Variants in SCMH1 observed in about 807,000 individuals in gnomAD.
SCMH1 encodes the protein polycomb protein SCMH1.
A neutral mutation model predicts 70.8 loss-of-function variants in SCMH1; 37 were observed. The observed-to-expected ratio is 0.52, with a 90% CI of 0.40 to 0.69. The LOEUF (loss-of-function observed/expected upper bound fraction) is 0.69, where lower values mean the gene tolerates loss of function less well. Among genes scored for constraint, SCMH1 ranks in the 30% least tolerant of loss-of-function variants. SCMH1 has a pLI of 0.00. For missense variants in SCMH1, 607 were observed against 827.3 expected, an observed-to-expected ratio of 0.73 and a Z score of 3.27; for synonymous variants, 292 against 307.4, an observed-to-expected ratio of 0.95 and a Z score of 0.52.
chr1:41,165,151 T>C (rs1256607856), intron 2 of SCMH1, among the ~76,000 whole-genome samples: 1 of 152,184 alleles, frequency 6.6e-6, no homozygotes, highest in Non-Finnish European at 1.5e-5. Context: ...ATATTTGTCG[T>C]TCTGTAACTG....
intron 10 of SCMH1, among the ~76,000 whole-genome samples, chr1:41,069,552 TAAAA>T (rs1256923975): frequency 6.6e-6 from 1 of 152,082 alleles, no homozygotes; most frequent in Admixed American, 6.5e-5. Flanking sequence ...TCTCTACAGT[TAAAA>T]AAATGAAAAG....
At chr1:41,111,864 A>G (rs1254411798) in intron 8 of SCMH1, among the ~76,000 whole-genome samples, 3 of 152,172 alleles carry the variant, frequency 2.0e-5, no homozygotes, top group Non-Finnish European at 2.9e-5. Flanking sequence ...CTTCCTAAAC[A>G]AGTTTCCCCT....
At chr1:41,241,235 G>A (rs1371091175) in intron 1 of SCMH1, among the ~76,000 whole-genome samples, 3 of 152,222 alleles carry the variant, frequency 2.0e-5, no homozygotes, top group Non-Finnish European at 4.4e-5. Flanking sequence ...AGCGCCCCTA[G>A]ATGACTTTTA....
At chr1:41,241,549 C>G (rs1663546078) in intron 1 of SCMH1, among the ~76,000 whole-genome samples, 2 of 152,280 alleles carry the variant, frequency 1.3e-5, no homozygotes, top group East Asian at 1.9e-4. Context: ...TTCCCCGAAC[C>G]GGGACCCGGC....
At chr1:41,179,197 G>C (rs1647931476) in intron 2 of SCMH1, among the ~76,000 whole-genome samples, 1 of 152,020 alleles carries the variant, frequency 6.6e-6, no homozygotes. Flanking sequence ...CGAGAACAAA[G>C]ACACAACATA....
At chr1:41,226,876 C>T (rs1012885277) in intron 1 of SCMH1, among the ~76,000 whole-genome samples, 1 of 152,104 alleles carries the variant, frequency 6.6e-6, no homozygotes, top group African/African-American at 2.4e-5. Context: ...GTTATGTCTC[C>T]GTTGAAATCT....
At chr1:41,051,648 AAAAT>A (rs1213237301) in intron 10 of SCMH1, among the ~76,000 whole-genome samples, 1 of 152,136 alleles carries the variant, frequency 6.6e-6, no homozygotes, top group African/African-American at 2.4e-5. Context: ...GTAAAAAAAT[AAAAT>A]AAATCTAGAA....
At chr1:41,124,893 CCTGGCCTG>C (rs1250051120) in intron 6 of SCMH1, among the ~76,000 whole-genome samples, 1 of 152,066 alleles carries the variant, frequency 6.6e-6, no homozygotes, top group East Asian at 1.9e-4. Context: ...AACTGCTAGG[CCTGGCCTG>C]CTAAAGAGAT....
intron 8 of SCMH1, among the ~76,000 whole-genome samples, chr1:41,102,838 T>C (rs1159691103): frequency 6.6e-6 from 1 of 152,108 alleles, no homozygotes; most frequent in East Asian, 1.9e-4. Flanking sequence ...AAGCACATGG[T>C]GAGAAAGCAC....
intron 10 of SCMH1, among the ~76,000 whole-genome samples, chr1:41,054,218 G>A (rs1376784305): frequency 1.3e-5 from 2 of 152,180 alleles, no homozygotes; most frequent in Admixed American, 1.3e-4. Flanking sequence ...ATCGATGAAA[G>A]GGGAAGTGTT....
At chr1:41,179,407 C>CA (rs1462050857) in intron 2 of SCMH1, among the ~76,000 whole-genome samples, 1 of 152,002 alleles carries the variant, frequency 6.6e-6, no homozygotes, top group East Asian at 1.9e-4. Flanking sequence ...AAAACCCTTC[C>CA]AAAAAATCAA....
chr1:41,209,609 C>T (rs1656499654), intron 1 of SCMH1, among the ~76,000 whole-genome samples: 1 of 152,202 alleles, frequency 6.6e-6, no homozygotes, highest in Admixed American at 6.5e-5. Context: ...GAACCATCGA[C>T]AAAAACCACA....
intron 6 of SCMH1, among the ~76,000 whole-genome samples, chr1:41,123,647 T>C (rs922179743): frequency 3.9e-5 from 6 of 152,314 alleles, no homozygotes; most frequent in African/African-American, 1.4e-4. Context: ...TAGACAGCCC[T>C]CTTTAGAAGA....
intron 10 of SCMH1, among the ~76,000 whole-genome samples, chr1:41,054,441 A>G (rs1205189611): frequency 1.3e-5 from 2 of 152,216 alleles, no homozygotes; most frequent in East Asian, 3.9e-4. Flanking sequence ...ATTTACAAAT[A>G]AAATTTCTTA....
In SCMH1 at chr1:41,113,593, T is replaced by G; in HGVS notation, c.502-67A>C. ...AGGCCATTATGCCAATAGACTACTA[T>G]CTAATTTGGATGATTAAAAAGTGAC... is the stretch of plus-strand genomic sequence containing the variant. On this transcript the variant is annotated intron_variant, in intron 7 of 14. Coordinates refer to ENST00000337495, the Ensembl canonical transcript of SCMH1. The surrounding 1 kb of genome is among the most constrained non-coding windows in gnomAD (Gnocchi z 4.3). The G allele has an allele frequency of 6.6e-7, 1 of 1,525,502 alleles. No homozygotes were observed. The highest frequency in any genetic ancestry group is 8.8e-7 in the Non-Finnish European group (1 of 1,136,882). 94.5% of individuals were successfully genotyped at this position (1,525,502 alleles called of 1,614,324 possible).
intron 2 of SCMH1, among the ~76,000 whole-genome samples, chr1:41,170,754 A>G (rs1646735075): frequency 6.6e-6 from 1 of 152,014 alleles, no homozygotes; most frequent in South Asian, 2.1e-4. Flanking sequence ...CCTCCTCACT[A>G]CTTCACAGTT....
intron 9 of SCMH1, among the ~76,000 whole-genome samples, chr1:41,074,265 G>A (rs1392602649): frequency 1.3e-5 from 2 of 152,092 alleles, no homozygotes; most frequent in Non-Finnish European, 2.9e-5. Flanking sequence ...GTGAATATAT[G>A]CTAGGGAAGC....
chr1:41,045,144 G>A (rs1273325743), intron 12 of SCMH1, among the ~76,000 whole-genome samples: 1 of 152,160 alleles, frequency 6.6e-6, no homozygotes, highest in Non-Finnish European at 1.5e-5. Flanking sequence ...GCTCTACCAT[G>A]CCCAGTCCAG....
At chr1:41,097,377 T>C (rs1421217516) in intron 8 of SCMH1, among the ~76,000 whole-genome samples, 1 of 152,202 alleles carries the variant, frequency 6.6e-6, no homozygotes, top group Admixed American at 6.5e-5. Context: ...CTGCTTCTAG[T>C]TTTAGGATCC....
Sources: allele counts gnomAD v4.1 joint callset (sites outside exome capture counted in the v4.1 genomes callset), GRCh38; gene constraint gnomAD v4.1.1; non-coding constraint Gnocchi (gnomAD v3.1); transcripts MANE v1.5; gene names NCBI Gene and HGNC (gene_info 2026-07-23, HGNC 2026-07-21).